The following GAS7 variants were observed in gnomAD, a reference collection of about 807,000 sequenced individuals.
The protein encoded by GAS7 is growth arrest specific 7, also known as growth arrest-specific protein 7.
Under a neutral mutation model 71.1 loss-of-function variants are expected in GAS7, and 28 were observed. The ratio of observed to expected loss-of-function variants is 0.39; its 90% confidence interval spans 0.29 to 0.54. The LOEUF (loss-of-function observed/expected upper bound fraction) is 0.54, where lower values mean the gene tolerates loss of function less well. GAS7 is among the 20% of genes least tolerant of loss of function. The probability of loss-of-function intolerance (pLI) is 0.62; values close to 1 mark genes in which losing one functional copy is unlikely to be tolerated. For synonymous variants in GAS7, 258 were observed against 245.8 expected, an observed-to-expected ratio of 1.05 and a Z score of -0.46; for missense variants, 436 against 627.8, an observed-to-expected ratio of 0.69 and a Z score of 3.27.
At chr17:9,991,113 A>G (rs1339658439) in intron 2 of GAS7, among the ~76,000 whole-genome samples, 1 of 152,190 alleles carries the variant, frequency 6.6e-6, no homozygotes, top group East Asian at 1.9e-4. Context: ...ACAATAAGAC[A>G]AAACAAAAAA....
At chr17:10,145,288 T>C (rs1182570398) in intron 1 of GAS7, among the ~76,000 whole-genome samples, 1 of 152,168 alleles carries the variant, frequency 6.6e-6, no homozygotes, top group East Asian at 1.9e-4. Context: ...TCTCTGTATA[T>C]CAGAGAAGCA....
chr17:10,073,995 T>C (rs1249947239), intron 1 of GAS7, among the ~76,000 whole-genome samples: 1 of 152,230 alleles, frequency 6.6e-6, no homozygotes, highest in Non-Finnish European at 1.5e-5. Context: ...ACCTACTATA[T>C]GTCAGGCGCT....
intron 1 of GAS7, among the ~76,000 whole-genome samples, chr17:10,188,910 C>T (rs1811795485): frequency 6.6e-6 from 1 of 152,178 alleles, no homozygotes; most frequent in Non-Finnish European, 1.5e-5. Context: ...TCCCAAAGTG[C>T]TGGGATTATA....
intron 4 of GAS7, among the ~76,000 whole-genome samples, chr17:9,963,897 C>G (rs1005961252): frequency 1.3e-5 from 2 of 150,566 alleles, no homozygotes; most frequent in African/African-American, 4.9e-5. Flanking sequence ...GCATTTAAAA[C>G]AGTAAGTCAG....
chr17:10,099,916 G>A (rs2073682264), intron 1 of GAS7, among the ~76,000 whole-genome samples: 4 of 152,216 alleles, frequency 2.6e-5, no homozygotes, highest in Admixed American at 2.6e-4. Context: ...ACAGTGGACA[G>A]TGGAAGGCCA....
At chr17:10,133,335 C>T (rs1009495865) in intron 1 of GAS7, among the ~76,000 whole-genome samples, 1 of 152,022 alleles carries the variant, frequency 6.6e-6, no homozygotes, top group Admixed American at 6.6e-5. Flanking sequence ...GTTGGCCAGG[C>T]TGGTCTTGAA....
At chr17:10,059,736 A>C (rs1399076927) in intron 1 of GAS7, 1 of 985,240 alleles carries the variant, frequency 1.0e-6, no homozygotes, top group Non-Finnish European at 1.2e-6. Context: ...CACGCTGGTC[A>C]TTTTCTGCCA....
chr17:10,148,036 G>A (rs1208059679), intron 1 of GAS7, among the ~76,000 whole-genome samples: 1 of 152,176 alleles, frequency 6.6e-6, no homozygotes, highest in Non-Finnish European at 1.5e-5. Flanking sequence ...AGGAGCTGCT[G>A]TGAGAGCCGA....
At chr17:9,998,554 C>T (rs1175378913) in intron 2 of GAS7, among the ~76,000 whole-genome samples, 1 of 152,050 alleles carries the variant, frequency 6.6e-6, no homozygotes, top group South Asian at 2.1e-4. Context: ...GTGTCTTGAG[C>T]CCAGGAGCTC....
intron 2 of GAS7, among the ~76,000 whole-genome samples, chr17:10,003,709 G>A (rs536268370): frequency 2.8e-4 from 43 of 152,292 alleles, no homozygotes; most frequent in Non-Finnish European, 5.0e-4. Flanking sequence ...GCACAGCACG[G>A]CGCATCATCT....
intron 1 of GAS7, among the ~76,000 whole-genome samples, chr17:10,022,494 A>G (rs1371139992): frequency 6.6e-6 from 1 of 152,250 alleles, no homozygotes; most frequent in Non-Finnish European, 1.5e-5. Flanking sequence ...AGGCACAGCG[A>G]AAACAGCCCT....
At chr17:9,956,523 G>T (rs2069244830) in intron 5 of GAS7, among the ~76,000 whole-genome samples, 1 of 152,076 alleles carries the variant, frequency 6.6e-6, no homozygotes, top group Non-Finnish European at 1.5e-5. Context: ...TCCTGCCAAG[G>T]GCTGTGAGCT....
chr17:10,068,972 T>C (rs981635521), intron 1 of GAS7, among the ~76,000 whole-genome samples: 6 of 152,202 alleles, frequency 3.9e-5, no homozygotes, highest in Non-Finnish European at 1.5e-5. Context: ...CATTACAGAC[T>C]CAGTGCCCAG....
intron 1 of GAS7, among the ~76,000 whole-genome samples, chr17:10,033,294 G>A (rs2072667176): frequency 6.6e-6 from 1 of 152,106 alleles, no homozygotes; most frequent in South Asian, 2.1e-4. Context: ...GAAAAAGCCT[G>A]GGAACAAGAG....
chr17:10,008,758 T>C (rs1309726840), intron 2 of GAS7, among the ~76,000 whole-genome samples: 1 of 151,938 alleles, frequency 6.6e-6, no homozygotes, highest in Non-Finnish European at 1.5e-5. Context: ...TTATATAAAT[T>C]AGGCTGGCGC....
intron 5 of GAS7, among the ~76,000 whole-genome samples, chr17:9,951,673 C>A (rs1373152423): frequency 1.4e-5 from 2 of 143,112 alleles, no homozygotes; most frequent in African/African-American, 5.1e-5. Flanking sequence ...AGGAGAATCG[C>A]TTGAACCTGG....
At chr17:10,028,620 T>C (rs1281635621) in intron 1 of GAS7, among the ~76,000 whole-genome samples, 1 of 150,836 alleles carries the variant, frequency 6.6e-6, no homozygotes, top group East Asian at 2.0e-4. Context: ...GGCAGGAAGA[T>C]ATGACATTAT....
Position 10,108,864 on chromosome 17 carries a change from G to A in GAS7, c.184-88967C>T, listed in dbSNP as rs147302343. 3.6e-4 allele frequency among the ~76,000 whole-genome samples: 55 copies of A among 152,202 alleles called. No individual in the cohort carries two copies. The East Asian group carries it at 9.1e-3, about 25-fold the overall frequency. ...GGATTAAAGACTTAAACTAAGGCTC[G>A]AAACTATAAAACTACTAGAAAGAAC... On this transcript the variant is annotated intron_variant, in intron 1 of 13. Coordinates refer to ENST00000432992, the MANE Select transcript of GAS7 (RefSeq NM_201433.2).
At position 9,913,479 on chromosome 17, in the gene GAS7, C is replaced by T. The variant is rs1317637600; in HGVS notation, c.*3749G>A. 8.6e-6 allele frequency: 2 copies of T among 232,382 alleles called. No homozygotes were observed. Among genetic ancestry groups the T allele is most frequent in the African/African-American group, 4.4e-5 (2 of 45,306 alleles). 14.4% of individuals were successfully genotyped at this position (232,382 alleles called of 1,614,324 possible). The stretch of plus-strand genomic sequence containing the variant: ...CTTTGGCTCAGCCCAGATTTTTCTG[C>T]ATCCATCCACTCATCTAGTAATTGA... On this transcript the variant is annotated 3_prime_UTR_variant, in exon 14 of 14. Transcript: ENST00000432992.
Sources: gnomAD v4.1 joint callset for allele counts (sites outside exome capture counted in the v4.1 genomes callset) on GRCh38, gnomAD v4.1.1 for gene constraint, MANE v1.5 for transcripts, NCBI Gene and HGNC (gene_info 2026-07-23, HGNC 2026-07-21) for gene names.